Variants in BTBD2 observed in about 807,000 individuals in gnomAD.
BTBD2 encodes the protein BTB domain containing 2, also known as BTB/POZ domain-containing protein 2.
A neutral mutation model predicts 44.0 loss-of-function variants in BTBD2; 15 were observed. That is an observed-to-expected ratio of 0.34 (90% CI 0.23 to 0.53). The LOEUF (loss-of-function observed/expected upper bound fraction) is 0.53, where lower values mean the gene tolerates loss of function less well. Among genes scored for constraint, BTBD2 ranks in the 20% least tolerant of loss-of-function variants. BTBD2 has a pLI of 0.95. For missense variants in BTBD2, 657 were observed against 746.4 expected, an observed-to-expected ratio of 0.88 and a Z score of 1.39; for synonymous variants, 443 against 335.9, an observed-to-expected ratio of 1.32 and a Z score of -3.49.
chr19:1,990,654 A>T, intron 4 of BTBD2, 63 bp downstream of exon 4: 1 of 1,447,842 alleles, frequency 6.9e-7, no homozygotes, highest in Admixed American at 2.0e-5. Flanking sequence ...CCCACTGTCA[A>T]TCCCCGGACC....
intron 1 of BTBD2, among the ~76,000 whole-genome samples, chr19:1,997,822 T>G (rs2016271445): frequency 6.6e-6 from 1 of 152,248 alleles, no homozygotes; most frequent in South Asian, 2.1e-4. Flanking sequence ...ACACATGCAT[T>G]CACACATACG....
At chr19:1,987,285 A>G in intron 6 of BTBD2, 32 bp from the exon 7 acceptor site, 1 of 1,604,318 alleles carries the variant, frequency 6.2e-7, no homozygotes, top group South Asian at 1.1e-5. Flanking sequence ...AGCAGCGTGG[A>G]TACCCAGGGA....
At position 1,986,949 on chromosome 19, in the gene BTBD2, A is replaced by G. The variant is rs745589915; in HGVS notation, c.1297T>C (p.Leu433=). Residue 433 remains leucine, a synonymous_variant, in exon 8 of 9, where the codon TTG becomes CTG. Coordinates refer to ENST00000255608, the MANE Select transcript of BTBD2 (RefSeq NM_017797.4). The part of the protein sequence containing the change: ...QIIHTDSNTV[L]GQNDTGFSCD... ...CTGAAGCCCGTGTCGTTCTGGCCCA[A>G]GACGGTGTTGCTATCGGTGTGAATA... 1.9e-6 allele frequency: 3 copies of G among 1,613,174 alleles called. No individual in the cohort carries two copies. Among genetic ancestry groups the G allele is most frequent in the East Asian group, 2.2e-5 (1 of 44,864 alleles).
chr19:1,995,667 C>T (rs544731989), intron 2 of BTBD2, among the ~76,000 whole-genome samples: 12 of 138,608 alleles, frequency 8.7e-5, no homozygotes, highest in Non-Finnish European at 1.6e-4. Flanking sequence ...GACAGAGTCT[C>T]GCTCTGTCGC....
chr19:2,005,418 T>A (rs1334759427), intron 1 of BTBD2, among the ~76,000 whole-genome samples: 1 of 152,016 alleles, frequency 6.6e-6, no homozygotes, highest in African/African-American at 2.4e-5. Context: ...TGGGCTCAAG[T>A]GATCCTCTCA....
intron 1 of BTBD2, among the ~76,000 whole-genome samples, chr19:2,010,942 C>T (rs368636691): frequency 6.6e-6 from 1 of 152,152 alleles, no homozygotes; most frequent in Non-Finnish European, 1.5e-5. Context: ...CCGGCCTCAG[C>T]TGCTGTTTTC....
chr19:2,009,924 TG>T (rs2016442384), intron 1 of BTBD2, among the ~76,000 whole-genome samples: 1 of 151,902 alleles, frequency 6.6e-6, no homozygotes, highest in African/African-American at 2.4e-5. Context: ...GAGGCCGAGG[TG>T]GGCGGATCAC....
At chr19:1,993,299 C>T in intron 2 of BTBD2, 123 bp from the exon 3 acceptor site, 2 of 1,350,830 alleles carry the variant, frequency 1.5e-6, no homozygotes, top group Non-Finnish European at 9.8e-7. Context: ...AGGACCCAAA[C>T]ACCCACATCA....
intron 1 of BTBD2, among the ~76,000 whole-genome samples, chr19:2,005,992 G>A (rs943647469): frequency 1.3e-5 from 2 of 151,766 alleles, no homozygotes; most frequent in African/African-American, 4.8e-5. Flanking sequence ...GGAGGCTAAG[G>A]TGGGAGGACT....
intron 5 of BTBD2, 58 bp downstream of exon 5, chr19:1,989,945 GA>G: frequency 6.3e-7 from 1 of 1,584,754 alleles, no homozygotes; most frequent in African/African-American, 1.3e-5. Flanking sequence ...TCGGTACCCA[GA>G]TGCCCACCTG....
In BTBD2 at chr19:1,999,237, C is replaced by T. The variant is rs1241093505; in HGVS notation, c.408-1774G>A. Among the ~76,000 whole-genome samples, 3 of 152,180 alleles carry T rather than the reference C, an allele frequency of 2.0e-5. No individual in the cohort carries two copies. The East Asian group carries it at 5.8e-4, about 29-fold the overall frequency. ...ACCAACGCAGTGGCTTCCACATGGG[C>T]CCCGACCACAGCTTCCACATCCGCC... On this transcript the variant is annotated intron_variant, in intron 1 of 8. Transcript: ENST00000255608.
intron 3 of BTBD2, 30 bp from the exon 4 acceptor site, chr19:1,990,852 T>TG (rs1387167482): frequency 6.6e-7 from 1 of 1,526,666 alleles, no homozygotes; most frequent in Non-Finnish European, 8.8e-7. Context: ...GGGGGCGCGG[T>TG]GGGGACATCA....
chr19:1,986,448 C>T lies in BTBD2; in HGVS notation c.*40G>A, dbSNP rs777513670. On this transcript the variant is annotated 3_prime_UTR_variant, in exon 9 of 9. Coordinates refer to ENST00000255608, the MANE Select transcript of BTBD2 (RefSeq NM_017797.4). ...AGCAGATGATGGCCTGGGGCTGCGG[C>T]TATCCCCACGGAGGGAGGGCGGTGT... 1.2e-5 allele frequency: 19 copies of T among 1,605,918 alleles called. No homozygotes were observed. The highest frequency in any genetic ancestry group is 1.5e-5 in the Non-Finnish European group (18 of 1,174,176).
intron 1 of BTBD2, among the ~76,000 whole-genome samples, chr19:2,005,952 G>C (rs1294586027): frequency 6.6e-6 from 1 of 151,936 alleles, no homozygotes; most frequent in Non-Finnish European, 1.5e-5. Flanking sequence ...GCCGAGCATA[G>C]TGGTGCATGT....
At chr19:1,987,123 A>T (rs1017074058) in intron 7 of BTBD2, 43 bp downstream of exon 7, 4 of 1,602,506 alleles carry the variant, frequency 2.5e-6, no homozygotes, top group Non-Finnish European at 3.4e-6. Flanking sequence ...GAGAGAGGAC[A>T]TGGGCCTGAG....
rs369320561 is a variant in BTBD2 at position 2,012,302 on chromosome 19, G to A, written c.407+2995C>T. ...TGAGTAGCTGGGATTACAGGTGTGC[G>A]CCACCACGCCCGGCTAATTTTTGTA... is the stretch of plus-strand genomic sequence containing the variant. On this transcript the variant is annotated intron_variant, in intron 1 of 8. Transcript: ENST00000255608. 6.0e-5 allele frequency among the ~76,000 whole-genome samples: 9 copies of A among 149,850 alleles called. 1 individual carries two copies. The highest frequency in any genetic ancestry group is 1.5e-4 in the African/African-American group (6 of 39,890).
chr19:1,986,611 C>T lies in BTBD2; in HGVS notation c.1455G>A (p.Lys485=), dbSNP rs369376480. 65 of 1,613,808 alleles carry T rather than the reference C, an allele frequency of 4.0e-5. No individual in the cohort carries two copies. The highest frequency in any genetic ancestry group is 5.3e-5 in the Non-Finnish European group (63 of 1,179,908). ...CCGTGGTGGGCGACTCGTGTGTCAC[C>T]TTGCGCAGGCCTTTGGTGCCGTAGT... ...DSHYGTKGLR[K]VTHESPTTGA... is the part of the protein sequence containing the mutation. The change falls in exon 9 of 9, where the codon AAG becomes AAA. Residue 485 remains lysine, a synonymous_variant. Transcript: ENST00000255608.
At position 1,987,152 on chromosome 19, in the gene BTBD2, C is replaced by CTTGGGGCTGG. The variant is rs2016098377; in HGVS notation, c.1269+4_1269+13dup. ...GCCTGAGTGGGGCCTGGGGATGAGG[C>CTTGGGGCTGG]TTGGGGCTGGTACCTGGATGTTCAC... On this transcript the variant is annotated intron_variant, in intron 7 of 8. Transcript: ENST00000255608. The CTTGGGGCTGG allele has an allele frequency of 3.1e-6, 5 of 1,612,988 alleles. No individual in the cohort carries two copies. The highest frequency in any genetic ancestry group is 4.2e-6 in the Non-Finnish European group (5 of 1,179,246).
Position 1,986,293 on chromosome 19 carries a change from C to T in BTBD2, c.*195G>A, listed in dbSNP as rs1372854556. ...ACTGGCCTGGCCACCTCCCCGGCTG[C>T]CCTGATCCAGCAGCCACACTCGTGG... is the stretch of plus-strand genomic sequence containing the variant. On this transcript the variant is annotated 3_prime_UTR_variant, in exon 9 of 9. Transcript: ENST00000255608. 5.9e-6 allele frequency: 4 copies of T among 677,172 alleles called. No individual in the cohort carries two copies. The African/African-American group carries it at 7.2e-5, about 12-fold the overall frequency. The allele number at this position is 677,172 out of a possible 1,614,324, so 41.9% of individuals were successfully genotyped here.
Sources: allele counts gnomAD v4.1 joint callset (sites outside exome capture counted in the v4.1 genomes callset), GRCh38; gene constraint gnomAD v4.1.1; transcripts MANE v1.5; gene names NCBI Gene and HGNC (gene_info 2026-07-23, HGNC 2026-07-21).